DAB1: variants seen among roughly 807,000 people sequenced by gnomAD.
DAB1 encodes disabled homolog 1.
A neutral mutation model predicts 64.6 loss-of-function variants in DAB1; 15 were observed. The ratio of observed to expected loss-of-function variants is 0.23; its 90% CI spans 0.16 to 0.36. The LOEUF (loss-of-function observed/expected upper bound fraction) is 0.36. Ranked by LOEUF, DAB1 falls within the 10% of genes least tolerant of loss-of-function variation. DAB1 has a pLI of 1.00. For missense variants in DAB1, 596 were observed against 706.7 expected, an observed-to-expected ratio of 0.84 and a Z score of 1.78; for synonymous variants, 235 against 251.9, an observed-to-expected ratio of 0.93 and a Z score of 0.64.
chr1:58,347,703 C>CA (rs993345469), intron 3 of DAB1, among the ~76,000 whole-genome samples: 1 of 152,234 alleles, frequency 6.6e-6, no homozygotes, highest in Non-Finnish European at 1.5e-5. Context: ...CCAAACCCTG[C>CA]AAACAACATT....
At chr1:57,669,697 C>A (rs1225444575) in intron 6 of DAB1, among the ~76,000 whole-genome samples, 1 of 152,122 alleles carries the variant, frequency 6.6e-6, no homozygotes, top group Non-Finnish European at 1.5e-5. Context: ...AGGCAAAATA[C>A]AAGATATGAT....
At chr1:57,786,862 T>A (rs986659410) in intron 6 of DAB1, among the ~76,000 whole-genome samples, 1 of 152,140 alleles carries the variant, frequency 6.6e-6, no homozygotes, top group African/African-American at 2.4e-5. Context: ...GGATTCTGGG[T>A]AAAATTCTGT....
intron 2 of DAB1, among the ~76,000 whole-genome samples, chr1:57,230,333 A>C (rs978924505): frequency 1.3e-5 from 2 of 151,996 alleles, no homozygotes; most frequent in Non-Finnish European, 2.9e-5. Flanking sequence ...AAAAAAAAAA[A>C]AAAAAACAGC....
intron 5 of DAB1, among the ~76,000 whole-genome samples, chr1:58,007,437 C>T (rs1646601945): frequency 1.3e-5 from 2 of 151,990 alleles, no homozygotes; most frequent in African/African-American, 4.8e-5. Flanking sequence ...CTTTTTTTCC[C>T]ACTTTAACAG....
chr1:57,468,802 C>A (rs556702475), intron 7 of DAB1, among the ~76,000 whole-genome samples: 10 of 152,150 alleles, frequency 6.6e-5, no homozygotes, highest in Non-Finnish European at 1.5e-4. Context: ...TCTGAGAAAA[C>A]CTCCTTGGAA....
chr1:58,131,480 G>A (rs1557664261), intron 5 of DAB1, among the ~76,000 whole-genome samples: 1 of 146,940 alleles, frequency 6.8e-6, no homozygotes, highest in Non-Finnish European at 1.5e-5. Context: ...TCTCCATCCA[G>A]CTTTGTTCCA....
At chr1:57,680,244 A>G (rs1266919921) in intron 6 of DAB1, among the ~76,000 whole-genome samples, 1 of 152,222 alleles carries the variant, frequency 6.6e-6, no homozygotes, top group Admixed American at 6.5e-5. Flanking sequence ...TTAGCTGGGA[A>G]CTATACTTCA....
chr1:58,437,591 C>T (rs1000318333), intron 3 of DAB1, among the ~76,000 whole-genome samples: 3 of 152,224 alleles, frequency 2.0e-5, no homozygotes, highest in Non-Finnish European at 4.4e-5. Context: ...TGCTTGCTTT[C>T]TGTCTTCCCC....
At chr1:58,357,123 C>T (rs1241568076) in intron 3 of DAB1, among the ~76,000 whole-genome samples, 1 of 150,962 alleles carries the variant, frequency 6.6e-6, no homozygotes, top group African/African-American at 2.4e-5. Flanking sequence ...ATGGCCATGA[C>T]ACATGTTTTA....
At chr1:57,829,283 G>A (rs1652486177) in intron 1 of DAB1, among the ~76,000 whole-genome samples, 1 of 152,184 alleles carries the variant, frequency 6.6e-6, no homozygotes, top group African/African-American at 2.4e-5. Context: ...GAAAAATGAA[G>A]TATAAAAACA....
intron 4 of DAB1, among the ~76,000 whole-genome samples, chr1:58,336,756 C>A (rs1490475563): frequency 2.6e-5 from 4 of 151,992 alleles, no homozygotes; most frequent in Non-Finnish European, 5.9e-5. Flanking sequence ...TTGCTAATAG[C>A]TAGGGAAATA....
intron 2 of DAB1, among the ~76,000 whole-genome samples, chr1:57,180,518 G>A (rs1016140960): frequency 1.1e-4 from 16 of 152,282 alleles, no homozygotes; most frequent in African/African-American, 3.6e-4. Context: ...ACTTGCGGAT[G>A]GGGGGTAAAG....
At chr1:57,746,675 TTTAAA>T (rs1648285104) in intron 6 of DAB1, among the ~76,000 whole-genome samples, 1 of 152,222 alleles carries the variant, frequency 6.6e-6, no homozygotes, top group Admixed American at 6.5e-5. Flanking sequence ...TTCCGTATAC[TTTAAA>T]TTATCTCTAG....
chr1:58,293,383 G>A (rs1055502680), intron 4 of DAB1, among the ~76,000 whole-genome samples: 5 of 152,026 alleles, frequency 3.3e-5, no homozygotes, highest in Admixed American at 1.3e-4. Context: ...TTTGTTTATT[G>A]TTTCTGCAAA....
At chr1:58,019,250 T>C (rs1274046681) in intron 5 of DAB1, among the ~76,000 whole-genome samples, 3 of 152,158 alleles carry the variant, frequency 2.0e-5, no homozygotes, top group African/African-American at 7.2e-5. Context: ...TATGGAAAAG[T>C]TCCTTTGGCC....
intron 1 of DAB1, among the ~76,000 whole-genome samples, chr1:57,416,724 C>G (rs1202708650): frequency 6.6e-6 from 1 of 152,028 alleles, no homozygotes; most frequent in African/African-American, 2.4e-5. Context: ...ATCTTTTTAC[C>G]CAAATTAACT....
chr1:57,223,795 A>G (rs1199457178), intron 2 of DAB1, among the ~76,000 whole-genome samples: 1 of 152,188 alleles, frequency 6.6e-6, no homozygotes, highest in Non-Finnish European at 1.5e-5. Flanking sequence ...TGACCCACCA[A>G]TGGGCAGGGC....
intron 2 of DAB1, among the ~76,000 whole-genome samples, chr1:57,153,956 G>A (rs934511108): frequency 3.9e-5 from 6 of 152,098 alleles, no homozygotes; most frequent in African/African-American, 1.4e-4. Flanking sequence ...GTATTTATGG[G>A]GTACACAACA....
chr1:57,713,894 G>C (rs1037678704), intron 6 of DAB1, among the ~76,000 whole-genome samples: 1 of 151,970 alleles, frequency 6.6e-6, no homozygotes, highest in Non-Finnish European at 1.5e-5. Context: ...ACTGACAGGG[G>C]AAATGTTTCT....
Sources: gnomAD v4.1 joint callset for allele counts (sites outside exome capture counted in the v4.1 genomes callset) on GRCh38, gnomAD v4.1.1 for gene constraint, MANE v1.5 for transcripts, NCBI Gene and HGNC (gene_info 2026-07-23, HGNC 2026-07-21) for gene names.